Variants in PLAC9 observed in about 807,000 individuals in gnomAD.
PLAC9 encodes placenta associated 9.
A neutral mutation model predicts 11.5 loss-of-function variants in PLAC9; 12 were observed. The observed-to-expected ratio is 1.05, with a 90% CI of 0.67 to 1.69. The LOEUF (loss-of-function observed/expected upper bound fraction) is 1.69. PLAC9 is among the 40% of genes most tolerant of loss of function. PLAC9 has a pLI of 0.00. For missense variants in PLAC9, 132 were observed against 130.5 expected (o/e 1.01, Z -0.06); for synonymous variants, 62 against 58.1 (o/e 1.07, Z -0.31).
chr10:80,133,918 T>TGGGTGACA (rs1209369661), intron 1 of PLAC9, among the ~76,000 whole-genome samples: 1 of 134,278 alleles, frequency 7.4e-6, no homozygotes, highest in Admixed American at 8.9e-5. Context: ...CAATCCAGCC[T>TGGGTGACA]GGGTGACAGA....
chr10:80,144,145 T>A, intron 2 of PLAC9, 78 bp from the exon 3 acceptor site: 1 of 1,604,942 alleles, frequency 6.2e-7, no homozygotes, highest in Non-Finnish European at 8.5e-7. Context: ...GACCGCCAGC[T>A]GCTCTCTTAG....
chr10:80,135,717 G>A (rs765263778), intron 1 of PLAC9, among the ~76,000 whole-genome samples: 5 of 152,010 alleles, frequency 3.3e-5, no homozygotes, highest in Admixed American at 1.3e-4. Context: ...CACCACGCCC[G>A]GCCCATATTT....
intron 1 of PLAC9, among the ~76,000 whole-genome samples, chr10:80,137,408 G>A (rs569454317): frequency 6.6e-5 from 10 of 152,334 alleles, no homozygotes; most frequent in African/African-American, 2.2e-4. Flanking sequence ...CGGGAGAGTG[G>A]CTAGGGTCTG....
intron 3 of PLAC9, 142 bp from the exon 4 acceptor site, chr10:80,144,758 C>G: frequency 1.2e-6 from 1 of 861,066 alleles, no homozygotes; most frequent in African/African-American, 1.7e-5. Context: ...GGGTTGCACT[C>G]TGCTCTCTCC....
chr10:80,136,143 A>C (rs1382357843), intron 1 of PLAC9, among the ~76,000 whole-genome samples: 1 of 152,208 alleles, frequency 6.6e-6, no homozygotes, highest in African/African-American at 2.4e-5. Context: ...TGGGGCAGCC[A>C]GCCCAGCCGA....
chr10:80,144,850 T>C (rs756481160), intron 3 of PLAC9, 50 bp from the exon 4 acceptor site: 4 of 1,539,498 alleles, frequency 2.6e-6, no homozygotes, highest in Non-Finnish European at 3.5e-6. Context: ...CGGGGGCAGG[T>C]ACTCTGCGGC....
chr10:80,144,355 A>G lies in PLAC9; in HGVS notation c.283+12A>G, dbSNP rs765454594. 1 of 1,585,636 alleles carries G rather than the reference A, an allele frequency of 6.3e-7. No homozygotes were observed. The highest frequency in any genetic ancestry group is 1.3e-5 in the African/African-American group (1 of 74,356). ...CGACCTTCTCGGAGGTGAGCAGTGC[A>G]GGTGGCAGAGGACAGCCTCTGGGCG... On this transcript the variant is annotated intron_variant, in intron 3 of 3. Coordinates refer to ENST00000372263, the MANE Select transcript of PLAC9 (RefSeq NM_001012973.3).
rs138105956 is a variant in PLAC9 at position 80,138,226 on chromosome 10, T to C, written c.65-3856T>C. Among the ~76,000 whole-genome samples, 424 of 152,288 alleles carry C rather than the reference T, an allele frequency of 2.8e-3. 2 individuals are homozygous for C. The highest frequency in any genetic ancestry group is 9.6e-3 in the African/African-American group (401 of 41,572). ...ATCAGCAACTCTCAGCCCATCCTGT[T>C]TGCTCTAAACATCCACGCATGCCTC... On this transcript the variant is annotated intron_variant, in intron 1 of 3. Coordinates refer to ENST00000372263, the MANE Select transcript of PLAC9 (RefSeq NM_001012973.3).
rs564775649 is a variant in PLAC9, at chr10:80,145,064, A to T, written c.*154A>T. 5 of 983,290 alleles carry T rather than the reference A, an allele frequency of 5.1e-6. No homozygotes were observed. In the East Asian group the frequency reaches 1.3e-4, roughly 26 times the overall value. 60.9% of individuals were successfully genotyped at this position (983,290 alleles called of 1,614,324 possible). ...GTCTGCTGACAGAGTAACCCGTTTA[A>T]CTACAGCCTCCTCTCACTCCACTTC... is the stretch of plus-strand genomic sequence containing the variant. On this transcript the variant is annotated 3_prime_UTR_variant, in exon 4 of 4. Transcript: ENST00000372263.
At chr10:80,144,824 GA>G in intron 3 of PLAC9, 75 bp from the exon 4 acceptor site, 1 of 1,435,632 alleles carries the variant, frequency 7.0e-7, no homozygotes, top group South Asian at 1.3e-5. Context: ...GGAAGGGAAG[GA>G]ACTGCTGGGC....
chr10:80,135,527 G>A (rs1171532233), intron 1 of PLAC9, among the ~76,000 whole-genome samples: 1 of 150,890 alleles, frequency 6.6e-6, no homozygotes. Flanking sequence ...GGGGCTGCGG[G>A]GGAGTTTCAC....
At chr10:80,139,875 T>A (rs1297131710) in intron 1 of PLAC9, among the ~76,000 whole-genome samples, 3 of 152,094 alleles carry the variant, frequency 2.0e-5, no homozygotes, top group Non-Finnish European at 2.9e-5. Flanking sequence ...AGGCACGAGC[T>A]ACCATTTCCA....
intron 1 of PLAC9, among the ~76,000 whole-genome samples, chr10:80,137,196 AGC>A (rs1414019307): frequency 6.6e-6 from 1 of 152,152 alleles, no homozygotes; most frequent in Non-Finnish European, 1.5e-5. Flanking sequence ...ATTAGTGCTG[AGC>A]CATGTTGGGA....
At chr10:80,143,389 A>ATTTTTTTTTT (rs560963413) in intron 2 of PLAC9, among the ~76,000 whole-genome samples, 4 of 89,942 alleles carry the variant, frequency 4.4e-5, no homozygotes, top group African/African-American at 1.5e-4. Context: ...AAATACTTGA[A>ATTTTTTTTTT]TTTTTTTTTT....
Position 80,144,330 on chromosome 10 carries a change from C to T in PLAC9, c.270C>T (p.Pro90=), listed in dbSNP as rs371272643. 1.2e-6 allele frequency: 2 copies of T among 1,605,790 alleles called. No individual in the cohort carries two copies. The highest frequency in any genetic ancestry group is 1.7e-6 in the Non-Finnish European group (2 of 1,178,952). ...CCCCGGGACCCTTCAGCCCCGCTCC[C>T]GACCTTCTCGGAGGTGAGCAGTGCA... ...NLPPGPFSPA[P]DLLGDGF Residue 90 remains proline, a synonymous_variant, in exon 3 of 4, where the codon CCC becomes CCT. Coordinates refer to ENST00000372263, the MANE Select transcript of PLAC9 (RefSeq NM_001012973.3).
intron 1 of PLAC9, among the ~76,000 whole-genome samples, chr10:80,141,637 T>C (rs910040828): frequency 2.0e-5 from 3 of 151,996 alleles, no homozygotes; most frequent in East Asian, 1.9e-4. Flanking sequence ...CAAACAAGCA[T>C]CAGAACTGGT....
chr10:80,132,678 T>G (rs1325931097), upstream of PLAC9: 59 of 1,169,108 alleles, frequency 5.0e-5, no homozygotes, highest in East Asian at 1.9e-3. Flanking sequence ...TCGAACTGAG[T>G]GCATTTCCTC....
At chr10:80,141,417 G>A (rs539591080) in intron 1 of PLAC9, among the ~76,000 whole-genome samples, 51 of 152,050 alleles carry the variant, frequency 3.4e-4, no homozygotes, top group Non-Finnish European at 6.5e-4. Context: ...TGACCAACAT[G>A]GTGAAACCCT....
chr10:80,142,536 A>G (rs1478161719), intron 2 of PLAC9, among the ~76,000 whole-genome samples: 1 of 152,204 alleles, frequency 6.6e-6, no homozygotes, highest in Non-Finnish European at 1.5e-5. Context: ...ATTCTCATTC[A>G]TCATAAATAC....
Sources: allele counts gnomAD v4.1 joint callset (sites outside exome capture counted in the v4.1 genomes callset), GRCh38; gene constraint gnomAD v4.1.1; transcripts MANE v1.5; gene names NCBI Gene and HGNC (gene_info 2026-07-23, HGNC 2026-07-21).